Variants in CALN1 observed in about 807,000 individuals in gnomAD.
The protein encoded by CALN1 is calcium-binding protein 8.
In CALN1, 17 loss-of-function variants were observed where a neutral mutation model predicts 30.6. The ratio of observed to expected loss-of-function variants is 0.56; its 90% CI spans 0.38 to 0.83. The LOEUF is 0.83. Ranked by LOEUF, CALN1 falls within the 40% of genes least tolerant of loss-of-function variation. CALN1 has a pLI of 0.00. For synonymous variants in CALN1, 156 were observed against 131.4 expected, an observed-to-expected ratio of 1.19 and a Z score of -1.28; for missense variants, 291 against 354.9, an observed-to-expected ratio of 0.82 and a Z score of 1.45.
At chr7:71,985,584 CTTTTTTTTTTTTTT>C (rs962922789) in intron 5 of CALN1, among the ~76,000 whole-genome samples, 1 of 96,438 alleles carries the variant, frequency 1.0e-5, no homozygotes, top group East Asian at 3.8e-4. Context: ...AGGTAGTTTT[CTTTTTTTTTTTTTT>C]TTTTTTTTTG....
rs535710264 is a variant in CALN1 at position 72,358,150 on chromosome 7, C to A, written c.119+45101G>T. On this transcript the variant is annotated intron_variant, in intron 2 of 6. Transcript: ENST00000395275. Reference sequence around the variant, plus strand: ...GGGGTTATAGGTGTGCACCACCATGCCTAACTAATTTTTTAATCTTTTTCT... The same window carrying A: ...GGGGTTATAGGTGTGCACCACCATGACTAACTAATTTTTTAATCTTTTTCT... Among the ~76,000 whole-genome samples the A allele has an allele frequency of 1.0e-3, 154 of 151,862 alleles. 1 individual carries two copies. Among genetic ancestry groups the A allele is most frequent in the Non-Finnish European group, 1.8e-3 (122 of 68,006 alleles).
chr7:72,046,672 TGTACTCCAGCCTGGGCAA>T (rs1802488392), intron 4 of CALN1, among the ~76,000 whole-genome samples: 2 of 141,982 alleles, frequency 1.4e-5, no homozygotes, highest in South Asian at 4.4e-4. Flanking sequence ...ATCACGCCAT[TGTACTCCAGCCTGGGCAA>T]CAGAGCGAGA....
chr7:71,812,768 A>C (rs1012129435), intron 5 of CALN1, among the ~76,000 whole-genome samples: 3 of 151,860 alleles, frequency 2.0e-5, no homozygotes, highest in Non-Finnish European at 2.9e-5. Flanking sequence ...TTTAGAGACA[A>C]GGTCTTGCTC....
At chr7:72,220,311 G>A (rs566672703) in intron 3 of CALN1, among the ~76,000 whole-genome samples, 96 of 151,122 alleles carry the variant, frequency 6.4e-4, no homozygotes, top group Admixed American at 2.0e-3. Context: ...TTGTCCTTGC[G>A]ATAGTTTGCT....
At chr7:72,362,792 G>C (rs1803646037) in intron 2 of CALN1, among the ~76,000 whole-genome samples, 1 of 152,032 alleles carries the variant, frequency 6.6e-6, no homozygotes, top group Non-Finnish European at 1.5e-5. Flanking sequence ...TCATCCTCTT[G>C]ATCCCAGCCC....
At chr7:72,098,813 C>T (rs1025695984) in intron 4 of CALN1, among the ~76,000 whole-genome samples, 1 of 150,834 alleles carries the variant, frequency 6.6e-6, no homozygotes, top group Non-Finnish European at 1.5e-5. Flanking sequence ...GCCAGTCCCA[C>T]CACTGAGGGC....
At chr7:71,794,407 GCTGT>G (rs1194369184) in intron 6 of CALN1, among the ~76,000 whole-genome samples, 1 of 152,110 alleles carries the variant, frequency 6.6e-6, no homozygotes, top group African/African-American at 2.4e-5. Flanking sequence ...ATTTACTCTT[GCTGT>G]CTATTATTTA....
intron 5 of CALN1, among the ~76,000 whole-genome samples, chr7:71,990,767 C>T (rs1167487843): frequency 6.6e-6 from 1 of 152,084 alleles, no homozygotes; most frequent in African/African-American, 2.4e-5. Context: ...CCCTTACTTT[C>T]TTAATAACGT....
Position 72,215,392 on chromosome 7 carries a change from G to C in CALN1, c.244+63294C>G, listed in dbSNP as rs182385003. ...GCAGATCACCTGAGGTCAGGAGTTC[G>C]AGACCAGCCTGGTCAACATGGTGAA... On this transcript the variant is annotated intron_variant, in intron 3 of 6. Coordinates refer to ENST00000395275, the MANE Select transcript of CALN1 (RefSeq NM_031468.4). 1.9e-4 allele frequency among the ~76,000 whole-genome samples: 29 copies of C among 152,144 alleles called. No homozygotes were observed. In the East Asian group the frequency reaches 5.2e-3, roughly 27 times the overall value.
intron 3 of CALN1, among the ~76,000 whole-genome samples, chr7:72,200,591 C>T (rs917031863): frequency 1.3e-5 from 2 of 152,034 alleles, no homozygotes; most frequent in Non-Finnish European, 2.9e-5. Context: ...GGAGCTGGGG[C>T]TTGAGCTGAG....
chr7:72,129,528 G>A (rs570844773), intron 3 of CALN1, among the ~76,000 whole-genome samples: 30 of 152,310 alleles, frequency 2.0e-4, no homozygotes, highest in Admixed American at 1.9e-3. Context: ...CCTGTTAGGA[G>A]TGATATTGGT....
chr7:72,402,836 A>AC (rs1806433815), intron 2 of CALN1, among the ~76,000 whole-genome samples: 1 of 152,164 alleles, frequency 6.6e-6, no homozygotes, highest in South Asian at 2.1e-4. Context: ...GATCTCAGTC[A>AC]AGCTGCCTGT....
intron 3 of CALN1, among the ~76,000 whole-genome samples, chr7:72,249,762 G>A (rs1795424672): frequency 6.6e-6 from 1 of 151,766 alleles, no homozygotes; most frequent in Admixed American, 6.6e-5. Flanking sequence ...CATGGCTAAA[G>A]CCTGTCTCTA....
chr7:72,442,856 T>A (rs1303158429), intron 1 of CALN1, among the ~76,000 whole-genome samples: 2 of 151,726 alleles, frequency 1.3e-5, no homozygotes, highest in Non-Finnish European at 2.9e-5. Context: ...GCACTTTATG[T>A]AGGGTTGCAC....
intron 5 of CALN1, among the ~76,000 whole-genome samples, chr7:72,023,448 A>G (rs1379719139): frequency 6.6e-6 from 1 of 152,158 alleles, no homozygotes; most frequent in African/African-American, 2.4e-5. Context: ...CTAATGCAAA[A>G]AAAAATTGCT....
At position 71,842,151 on chromosome 7, in the gene CALN1, G is replaced by A. The variant is rs1454246170; in HGVS notation, c.502-31659C>T. Among the ~76,000 whole-genome samples, 6 of 152,150 alleles carry A rather than the reference G, an allele frequency of 3.9e-5. No individual in the cohort carries two copies. In the East Asian group the frequency reaches 5.8e-4, roughly 15 times the overall value. On this transcript the variant is annotated intron_variant, in intron 5 of 6. Transcript: ENST00000395275. Reference sequence around the variant, plus strand: ...AGCTAGATACTAGGCAGCAACTCACGTGTCTGCCTCTGTCCTAAAAACAAA... The same window carrying A: ...AGCTAGATACTAGGCAGCAACTCACATGTCTGCCTCTGTCCTAAAAACAAA...
intron 5 of CALN1, among the ~76,000 whole-genome samples, chr7:71,858,890 G>A (rs183037880): frequency 1.3e-5 from 2 of 152,240 alleles, no homozygotes; most frequent in African/African-American, 4.8e-5. Context: ...ATCAGGACCT[G>A]CTGAGGCTGT....
At chr7:72,118,752 A>G (rs946816154) in intron 3 of CALN1, among the ~76,000 whole-genome samples, 1 of 152,164 alleles carries the variant, frequency 6.6e-6, no homozygotes, top group Admixed American at 6.5e-5. Flanking sequence ...ACAAATGACA[A>G]AATTCTCAGG....
intron 4 of CALN1, among the ~76,000 whole-genome samples, chr7:72,057,577 C>T (rs543853964): frequency 9.2e-5 from 14 of 151,760 alleles, no homozygotes; most frequent in African/African-American, 2.9e-4. Flanking sequence ...AAGTAACATA[C>T]GTGTATTTTT....
Sources: allele counts gnomAD v4.1 joint callset (sites outside exome capture counted in the v4.1 genomes callset), GRCh38; gene constraint gnomAD v4.1.1; transcripts MANE v1.5; gene names NCBI Gene and HGNC (gene_info 2026-07-23, HGNC 2026-07-21).